Variants in ZFPM2 observed in about 807,000 individuals in gnomAD.
ZFPM2 encodes zinc finger protein, FOG family member 2.
ZFPM2 carries 20 observed loss-of-function variants against 98.6 expected under a neutral mutation model. The observed-to-expected ratio is 0.20, with a 90% CI of 0.14 to 0.29. The LOEUF (loss-of-function observed/expected upper bound fraction) is 0.29, where lower values mean the gene tolerates loss of function less well. Among genes scored for constraint, ZFPM2 ranks in the 10% least tolerant of loss-of-function variants. The probability of loss-of-function intolerance (pLI) is 1.00; values close to 1 mark genes in which losing one functional copy is unlikely to be tolerated. For synonymous variants in ZFPM2, 518 were observed against 502.7 expected (o/e 1.03, Z -0.41); for missense variants, 1,310 against 1,388.6 (o/e 0.94, Z 0.90).
At chr8:105,570,948 A>C (rs1323298770) in intron 4 of ZFPM2, among the ~76,000 whole-genome samples, 3 of 152,230 alleles carry the variant, frequency 2.0e-5, no homozygotes, top group Non-Finnish European at 2.9e-5. Context: ...CAGAACTCCA[A>C]GGAGAACTTT....
intron 3 of ZFPM2, among the ~76,000 whole-genome samples, chr8:105,515,282 C>T (rs1010544870): frequency 1.3e-5 from 2 of 152,168 alleles, no homozygotes; most frequent in African/African-American, 4.8e-5. Context: ...ACTGGAAATG[C>T]TTAATACTAA....
intron 3 of ZFPM2, among the ~76,000 whole-genome samples, chr8:105,521,408 AGGGGGG>A (rs869126404): frequency 3.9e-5 from 1 of 25,778 alleles, no homozygotes; most frequent in Non-Finnish European, 6.1e-5. Context: ...TTAAGGGGGG[AGGGGGG>A]GAGGGATGAG....
At chr8:105,643,845 A>G (rs67835533) in intron 5 of ZFPM2, among the ~76,000 whole-genome samples, 16,138 of 152,216 alleles carry the variant, frequency 0.11, 1,064 homozygotes, top group South Asian at 0.22. Flanking sequence ...TAATGCTCCA[A>G]GGATCACAAT....
rs1288283179 is a variant in ZFPM2 at position 105,780,058 on chromosome 8, T to C, written c.533-8660T>C. The stretch of plus-strand genomic sequence containing the variant: ...ATTACTTAGAACAGCAAATATATGC[T>C]TTTTCAAGAATGTCAAGGTCTTAGT... On this transcript the variant is annotated intron_variant, in intron 5 of 7. Transcript: ENST00000407775. 2.0e-5 allele frequency among the ~76,000 whole-genome samples: 3 copies of C among 152,210 alleles called. No homozygotes were observed. In the East Asian group the frequency reaches 5.8e-4, roughly 29 times the overall value.
At chr8:105,333,463 G>A (rs1234684229) in intron 1 of ZFPM2, among the ~76,000 whole-genome samples, 4 of 151,706 alleles carry the variant, frequency 2.6e-5, no homozygotes, top group East Asian at 3.9e-4. Context: ...GCTGCCTATC[G>A]AGAGGCAAAA....
At chr8:105,580,111 AT>A (rs1419511471) in intron 4 of ZFPM2, among the ~76,000 whole-genome samples, 1 of 151,698 alleles carries the variant, frequency 6.6e-6, no homozygotes, top group Non-Finnish European at 1.5e-5. Flanking sequence ...GTGTGTAAGG[AT>A]TTTCTGAATT....
chr8:105,330,415 A>G (rs556137446), intron 1 of ZFPM2, among the ~76,000 whole-genome samples: 6 of 150,872 alleles, frequency 4.0e-5, no homozygotes, highest in African/African-American at 1.5e-4. Context: ...GTCATCAGGG[A>G]AGGTGAACCG....
At chr8:105,651,380 A>T (rs1350329318) in intron 5 of ZFPM2, among the ~76,000 whole-genome samples, 1 of 150,966 alleles carries the variant, frequency 6.6e-6, no homozygotes, top group Non-Finnish European at 1.5e-5. Context: ...AGGCAGGAGA[A>T]TTGCTTGAAC....
chr8:105,766,943 A>T (rs1812866485), intron 5 of ZFPM2, among the ~76,000 whole-genome samples: 1 of 151,918 alleles, frequency 6.6e-6, no homozygotes, highest in South Asian at 2.1e-4. Flanking sequence ...TAGTTTAAGA[A>T]ATAGTCAAGC....
chr8:105,762,869 A>G (rs1402117989), intron 5 of ZFPM2, among the ~76,000 whole-genome samples: 1 of 151,956 alleles, frequency 6.6e-6, no homozygotes, highest in African/African-American at 2.4e-5. Context: ...CTACCTTGTT[A>G]AAGTTGAGTA....
At chr8:105,695,072 A>G (rs1393435187) in intron 5 of ZFPM2, among the ~76,000 whole-genome samples, 1 of 152,200 alleles carries the variant, frequency 6.6e-6, no homozygotes, top group Non-Finnish European at 1.5e-5. Flanking sequence ...ATCCGGATCT[A>G]TCTGTCTACA....
intron 1 of ZFPM2, among the ~76,000 whole-genome samples, chr8:105,356,078 T>G (rs571145410): frequency 9.8e-5 from 15 of 152,320 alleles, no homozygotes; most frequent in African/African-American, 3.6e-4. Flanking sequence ...TACATGGAAG[T>G]TTTTGTGAAA....
intron 4 of ZFPM2, among the ~76,000 whole-genome samples, chr8:105,632,927 A>G (rs1284098432): frequency 3.9e-5 from 6 of 152,118 alleles, no homozygotes; most frequent in Admixed American, 3.9e-4. Flanking sequence ...TTTTAAATCC[A>G]TCATGGTTGA....
chr8:105,738,026 A>G (rs1173622448), intron 5 of ZFPM2, among the ~76,000 whole-genome samples: 1 of 151,826 alleles, frequency 6.6e-6, no homozygotes, highest in African/African-American at 2.4e-5. Flanking sequence ...TTTTTTTGTT[A>G]CTTTTATTTT....
intron 5 of ZFPM2, among the ~76,000 whole-genome samples, chr8:105,740,035 T>C (rs1812176846): frequency 6.6e-6 from 1 of 152,074 alleles, no homozygotes; most frequent in South Asian, 2.1e-4. Flanking sequence ...CTAATGGGAC[T>C]TAGGACAAAA....
chr8:105,416,577 T>C (rs183904621), intron 1 of ZFPM2, among the ~76,000 whole-genome samples: 132 of 152,028 alleles, frequency 8.7e-4, no homozygotes, highest in African/African-American at 3.0e-3. Flanking sequence ...GCTTTACTTT[T>C]CATTAGTAAA....
intron 3 of ZFPM2, among the ~76,000 whole-genome samples, chr8:105,509,255 A>G (rs897421540): frequency 3.9e-5 from 6 of 152,202 alleles, no homozygotes; most frequent in Non-Finnish European, 7.3e-5. Context: ...AATGTTTTAC[A>G]GGTTGACAGC....
At chr8:105,487,685 G>T (rs1351207825) in intron 3 of ZFPM2, among the ~76,000 whole-genome samples, 1 of 151,894 alleles carries the variant, frequency 6.6e-6, no homozygotes, top group Non-Finnish European at 1.5e-5. Flanking sequence ...CACTAGAACA[G>T]TATCTGGCAC....
At chr8:105,360,427 A>C (rs1039092886) in intron 1 of ZFPM2, among the ~76,000 whole-genome samples, 39 of 152,290 alleles carry the variant, frequency 2.6e-4, no homozygotes, top group Middle Eastern at 3.4e-3. Flanking sequence ...TTTTTGGCAG[A>C]TATAACATAG....
Sources: gnomAD v4.1 joint callset for allele counts (sites outside exome capture counted in the v4.1 genomes callset) on GRCh38, gnomAD v4.1.1 for gene constraint, MANE v1.5 for transcripts, NCBI Gene and HGNC (gene_info 2026-07-23, HGNC 2026-07-21) for gene names.